Variants in EFR3B observed in about 807,000 individuals in gnomAD.
The protein encoded by EFR3B is protein EFR3 homolog B.
In EFR3B, 64 loss-of-function variants were observed where a neutral mutation model predicts 104.7. That is an observed-to-expected ratio of 0.61 (90% CI 0.50 to 0.75). The LOEUF is 0.75. Ranked by LOEUF, EFR3B falls within the 30% of genes least tolerant of loss-of-function variation. The pLI is 0.00. For missense variants in EFR3B, 750 were observed against 1,078.5 expected (o/e 0.70, Z 4.27); for synonymous variants, 385 against 417.9 (o/e 0.92, Z 0.96).
At position 25,156,708 on chromosome 2, in the gene EFR3B, A is replaced by G. The variant is rs1671179768; in HGVS notation, c.*2368A>G. The G allele has an allele frequency of 6.6e-6, 1 of 152,138 alleles. No homozygotes were observed. Among genetic ancestry groups the G allele is most frequent in the African/African-American group, 2.4e-5 (1 of 41,436 alleles). 9.4% of individuals were successfully genotyped at this position (152,138 alleles called of 1,614,324 possible). A position where few individuals can be genotyped will look rare whatever the true frequency, so the allele number is the denominator to read the frequency against. On this transcript the variant is annotated 3_prime_UTR_variant, in exon 23 of 23. Coordinates refer to ENST00000403714, the MANE Select transcript of EFR3B (RefSeq NM_014971.2). ...TGGCCTCTGGCTTATACTCAACCCAATTTTACAAGCATGAACTTAGACTTC... is the reference window on the plus strand; with the variant it reads ...TGGCCTCTGGCTTATACTCAACCCAGTTTTACAAGCATGAACTTAGACTTC...
chr2:25,116,103 G>A (rs542067067), intron 4 of EFR3B: 1 of 152,266 alleles, frequency 6.6e-6, no homozygotes, highest in African/African-American at 2.4e-5. Context: ...TTTTTTAAGT[G>A]GTGAGTGGAA....
In EFR3B at chr2:25,114,110, A is replaced by G. The variant is rs536501183; in HGVS notation, c.364-7563A>G. On this transcript the variant is annotated intron_variant, in intron 4 of 22. Transcript: ENST00000403714. The surrounding 1 kb of genome is among the most constrained non-coding windows in gnomAD (Gnocchi z 4.0). Reference sequence around the variant, plus strand: ...CAGACATTGGCACATTTCAAGGTGGACTTCCGCAATAGGTGTGGTCCTTTG... The same window carrying G: ...CAGACATTGGCACATTTCAAGGTGGGCTTCCGCAATAGGTGTGGTCCTTTG... Among the ~76,000 whole-genome samples the G allele has an allele frequency of 6.6e-5, 10 of 152,308 alleles. No homozygotes were observed. Among genetic ancestry groups the G allele is most frequent in the Non-Finnish European group, 1.3e-4 (9 of 68,032 alleles).
intron 1 of EFR3B, among the ~76,000 whole-genome samples, chr2:25,070,060 C>T (rs1048667356): frequency 1.3e-5 from 2 of 152,184 alleles, no homozygotes; most frequent in African/African-American, 4.8e-5. Context: ...GTCGAAAGGA[C>T]AGTAACTCCT....
intron 16 of EFR3B, among the ~76,000 whole-genome samples, chr2:25,140,080 A>C (rs542291878): frequency 1.8e-4 from 27 of 152,338 alleles, no homozygotes; most frequent in African/African-American, 6.0e-4. Context: ...TGGGAGGCCG[A>C]GGCTGGTGGA....
At chr2:25,080,949 A>T in intron 1 of EFR3B, 1 of 763,208 alleles carries the variant, frequency 1.3e-6, no homozygotes, top group East Asian at 2.5e-5. Flanking sequence ...TTCAAGCCGG[A>T]GAGCTTGTTC....
In EFR3B at chr2:25,145,258, A is replaced by T. The variant is rs899311620; in HGVS notation, c.2142+207A>T. The T allele has an allele frequency of 3.7e-5, 22 of 588,158 alleles. No individual in the cohort carries two copies. The African/African-American group carries it at 4.1e-4, about 11-fold the overall frequency. The allele number at this position is 588,158 out of a possible 1,614,324, so 36.4% of individuals were successfully genotyped here. Reference sequence around the variant, plus strand: ...TGTTAGGGTCCTCCCTGCTCCCATGAGGATATCATAAAACTCACTCTTGAA... The same window carrying T: ...TGTTAGGGTCCTCCCTGCTCCCATGTGGATATCATAAAACTCACTCTTGAA... On this transcript the variant is annotated intron_variant, in intron 19 of 22. Transcript: ENST00000403714.
At chr2:25,087,832 T>C (rs2149182897) in intron 1 of EFR3B, among the ~76,000 whole-genome samples, 1 of 150,358 alleles carries the variant, frequency 6.7e-6, no homozygotes, top group East Asian at 1.9e-4. Context: ...CTGTCGTGGA[T>C]TGTGCCCTTG....
chr2:25,096,770 G>A (rs1188422848), intron 3 of EFR3B, among the ~76,000 whole-genome samples: 5 of 152,168 alleles, frequency 3.3e-5, no homozygotes, highest in African/African-American at 9.7e-5. Flanking sequence ...GGAGAAGACG[G>A]AGCTGGTCTT....
rs1331027470 is a variant in EFR3B, at chr2:25,152,842, G to GTA, written c.2298+827_2298+828dup. On this transcript the variant is annotated intron_variant, in intron 21 of 22. Coordinates refer to ENST00000403714, the MANE Select transcript of EFR3B (RefSeq NM_014971.2). The stretch of plus-strand genomic sequence containing the variant: ...TGTGTGTGTGTGTGTGTGTGTGTGT[G>GTA]TATATAAAACACATATAGATTTTCC... Among the ~76,000 whole-genome samples the GTA allele has an allele frequency of 8.0e-3, 745 of 93,212 alleles. 3 individuals carry two copies. The highest frequency in any genetic ancestry group is 0.011 in the Non-Finnish European group (334 of 31,152). The allele number at this position is 93,212 out of a possible 152,430, so 61.2% of individuals were successfully genotyped here.
intron 2 of EFR3B, among the ~76,000 whole-genome samples, chr2:25,092,635 G>A (rs970910277): frequency 1.3e-4 from 20 of 149,998 alleles, no homozygotes; most frequent in Non-Finnish European, 3.0e-5. Flanking sequence ...TGCAACCTCC[G>A]CTCCCCGGGT....
intron 1 of EFR3B, among the ~76,000 whole-genome samples, chr2:25,072,139 G>A (rs963160015): frequency 2.0e-5 from 3 of 152,180 alleles, no homozygotes; most frequent in South Asian, 2.1e-4. Flanking sequence ...CCCCGCTTTC[G>A]TCACCAGTTC....
chr2:25,108,658 G>A (rs2196659), intron 4 of EFR3B, among the ~76,000 whole-genome samples: 321 of 152,226 alleles, frequency 2.1e-3, no homozygotes, highest in African/African-American at 7.5e-3. Flanking sequence ...GATATCAAAA[G>A]CAAAAGCAAT....
chr2:25,144,583 G>C (rs181262083), intron 18 of EFR3B, among the ~76,000 whole-genome samples: 2 of 152,266 alleles, frequency 1.3e-5, no homozygotes, highest in East Asian at 1.9e-4. Context: ...CTGCCTTAGA[G>C]GGCTGGCATG....
intron 1 of EFR3B, among the ~76,000 whole-genome samples, chr2:25,049,952 TAA>T (rs59279308): frequency 3.3e-4 from 35 of 104,830 alleles, no homozygotes; most frequent in African/African-American, 6.6e-4. Flanking sequence ...ACATTTCTAC[TAA>T]AAAAAAAAAA....
intron 1 of EFR3B, among the ~76,000 whole-genome samples, chr2:25,044,796 G>A (rs901200938): frequency 1.3e-5 from 2 of 152,106 alleles, no homozygotes; most frequent in Admixed American, 1.3e-4. Flanking sequence ...GAGGATCTCC[G>A]TTTCCCATCC....
At chr2:25,140,058 A>G (rs2149209687) in intron 16 of EFR3B, among the ~76,000 whole-genome samples, 1 of 152,332 alleles carries the variant, frequency 6.6e-6, no homozygotes, top group Middle Eastern at 3.4e-3. Flanking sequence ...CAAGCCTGTA[A>G]TCCCAGCACT....
In EFR3B at chr2:25,135,761, C is replaced by G; in HGVS notation, c.1484+122C>G. ...CCTCAGTATCTGAGTATTGTGGGAT[C>G]TGAGTATCCCACAATTCAGATACTC... On this transcript the variant is annotated intron_variant, in intron 13 of 22. Coordinates refer to ENST00000403714, the MANE Select transcript of EFR3B (RefSeq NM_014971.2). 3.5e-6 allele frequency: 4 copies of G among 1,138,264 alleles called. No individual in the cohort carries two copies. In the Middle Eastern group the frequency reaches 1.0e-3, roughly 286 times the overall value. 70.5% of individuals were successfully genotyped at this position (1,138,264 alleles called of 1,614,324 possible).
chr2:25,111,513 C>A (rs937793842), intron 4 of EFR3B, among the ~76,000 whole-genome samples: 1 of 152,190 alleles, frequency 6.6e-6, no homozygotes, highest in Admixed American at 6.5e-5. Context: ...CTGTGGTAGG[C>A]TGAATGATGC....
chr2:25,067,591 C>A (rs879703678), intron 1 of EFR3B, among the ~76,000 whole-genome samples: 1 of 151,974 alleles, frequency 6.6e-6, no homozygotes, highest in African/African-American at 2.4e-5. Context: ...CCTGCCACCC[C>A]GCCTGGCTAA....
Sources: gnomAD v4.1 joint callset for allele counts (sites outside exome capture counted in the v4.1 genomes callset) on GRCh38, gnomAD v4.1.1 for gene constraint, Gnocchi (gnomAD v3.1) non-coding constraint, MANE v1.5 for transcripts, NCBI Gene and HGNC (gene_info 2026-07-23, HGNC 2026-07-21) for gene names.